Variants in EXOC4 observed in about 807,000 individuals in gnomAD.
EXOC4 encodes the protein SEC8-like 1.
In EXOC4, 71 loss-of-function variants were observed where a neutral mutation model predicts 107.2. The ratio of observed to expected loss-of-function variants is 0.66; its 90% confidence interval spans 0.55 to 0.81. The LOEUF (loss-of-function observed/expected upper bound fraction) is 0.81, where lower values mean the gene tolerates loss of function less well. Among genes scored for constraint, EXOC4 ranks in the 30% least tolerant of loss-of-function variants. The pLI is 0.00. For missense variants in EXOC4, 1,108 were observed against 1,189.6 expected, an observed-to-expected ratio of 0.93 and a Z score of 1.01; for synonymous variants, 456 against 441.2, an observed-to-expected ratio of 1.03 and a Z score of -0.42.
chr7:133,699,472 G>A (rs941669499), intron 10 of EXOC4, among the ~76,000 whole-genome samples: 1 of 152,180 alleles, frequency 6.6e-6, no homozygotes, highest in South Asian at 2.1e-4. Flanking sequence ...GTAAGAGTCT[G>A]TAAAGGCAAA....
At chr7:133,690,155 T>C (rs1336024373) in intron 10 of EXOC4, among the ~76,000 whole-genome samples, 2 of 152,212 alleles carry the variant, frequency 1.3e-5, no homozygotes, top group East Asian at 3.8e-4. Flanking sequence ...GCTTGGTACT[T>C]CAGCATGAGT....
At chr7:133,655,466 A>G (rs927603536) in intron 10 of EXOC4, among the ~76,000 whole-genome samples, 1 of 152,214 alleles carries the variant, frequency 6.6e-6, no homozygotes, top group African/African-American at 2.4e-5. Context: ...TCATAATGAC[A>G]TTTAGCTTAA....
At chr7:134,009,533 G>T (rs1794720409) in intron 17 of EXOC4, among the ~76,000 whole-genome samples, 1 of 152,132 alleles carries the variant, frequency 6.6e-6, no homozygotes, top group African/African-American at 2.4e-5. Context: ...GAGTGTGTGT[G>T]TTTTCATTAA....
chr7:134,075,669 G>C, the EXOC4 span, among the ~76,000 whole-genome samples: 1 of 152,310 alleles, frequency 6.6e-6, no homozygotes, highest in East Asian at 1.9e-4. Flanking sequence ...CTCAAGATGA[G>C]ATTTGGGTGG....
chr7:133,290,410 G>T (rs1482199387), intron 3 of EXOC4, among the ~76,000 whole-genome samples: 2 of 152,056 alleles, frequency 1.3e-5, no homozygotes, highest in African/African-American at 4.8e-5. Flanking sequence ...ATGACTATAG[G>T]GTGTCTGATA....
At chr7:134,023,999 A>G (rs1795081341) in intron 17 of EXOC4, among the ~76,000 whole-genome samples, 1 of 152,202 alleles carries the variant, frequency 6.6e-6, no homozygotes, top group African/African-American at 2.4e-5. Flanking sequence ...CTGGCATGGC[A>G]GCAGTGTTAG....
intron 10 of EXOC4, among the ~76,000 whole-genome samples, chr7:133,672,862 C>G (rs1339622421): frequency 6.6e-6 from 1 of 152,224 alleles, no homozygotes; most frequent in African/African-American, 2.4e-5. Flanking sequence ...ATCCCAGGCC[C>G]TAGCAAATAG....
At chr7:133,709,397 C>T (rs758113841) in intron 10 of EXOC4, among the ~76,000 whole-genome samples, 1 of 152,340 alleles carries the variant, frequency 6.6e-6, no homozygotes, top group African/African-American at 2.4e-5. Flanking sequence ...TCAGCAGTGG[C>T]TGTCACCAGG....
intron 7 of EXOC4, among the ~76,000 whole-genome samples, chr7:133,438,411 T>C (rs1361933621): frequency 1.3e-5 from 2 of 152,204 alleles, no homozygotes; most frequent in African/African-American, 4.8e-5. Flanking sequence ...TTGTCTCTTA[T>C]TTCTCTAATG....
At chr7:133,418,146 T>C (rs1279183699) in intron 7 of EXOC4, among the ~76,000 whole-genome samples, 1 of 152,220 alleles carries the variant, frequency 6.6e-6, no homozygotes, top group East Asian at 1.9e-4. Context: ...ACTATATGTA[T>C]TGATTCCTTT....
chr7:133,755,255 A>ATATATATATTATATATAT (rs552633693), intron 10 of EXOC4, among the ~76,000 whole-genome samples: 2 of 100,432 alleles, frequency 2.0e-5, no homozygotes, highest in African/African-American at 4.5e-5. Context: ...TATATATATT[A>ATATATATATTATATATAT]TATATATATT....
chr7:133,329,526 A>G (rs1269665298), intron 5 of EXOC4, among the ~76,000 whole-genome samples: 1 of 152,068 alleles, frequency 6.6e-6, no homozygotes, highest in Non-Finnish European at 1.5e-5. Flanking sequence ...ATTTTCAGCC[A>G]TTTTGCATTG....
At chr7:133,726,758 T>G (rs551634286) in intron 10 of EXOC4, among the ~76,000 whole-genome samples, 1 of 152,218 alleles carries the variant, frequency 6.6e-6, no homozygotes, top group Non-Finnish European at 1.5e-5. Context: ...CCTTAAACCC[T>G]TGTCATGGCT....
chr7:133,369,865 G>T (rs6968219), intron 6 of EXOC4, among the ~76,000 whole-genome samples: 3 of 87,538 alleles, frequency 3.4e-5, no homozygotes, highest in South Asian at 4.7e-4. Flanking sequence ...GGAGTGCAAT[G>T]GCGCAATTTG....
At position 133,699,314 on chromosome 7, in the gene EXOC4, A is replaced by G. The variant is rs561961708; in HGVS notation, c.1514+69173A>G. Among the ~76,000 whole-genome samples the G allele has an allele frequency of 2.6e-5, 4 of 152,186 alleles. No individual in the cohort carries two copies. In the East Asian group the frequency reaches 7.7e-4, roughly 29 times the overall value. ...TTTTTTCCCCCAGTCTGTACCTGCAATGGTTTTTTTAAGTGTATGTCTTAT... is the reference window on the plus strand; with the variant it reads ...TTTTTTCCCCCAGTCTGTACCTGCAGTGGTTTTTTTAAGTGTATGTCTTAT... On this transcript the variant is annotated intron_variant, in intron 10 of 17. Transcript: ENST00000253861.
intron 12 of EXOC4, among the ~76,000 whole-genome samples, chr7:133,901,988 A>G (rs1411836717): frequency 6.6e-6 from 1 of 152,232 alleles, no homozygotes; most frequent in Non-Finnish European, 1.5e-5. Context: ...AAGATAACCA[A>G]GAGCCAAATT....
intron 14 of EXOC4, among the ~76,000 whole-genome samples, chr7:133,972,532 A>T (rs1801266929): frequency 1.3e-5 from 2 of 152,238 alleles, no homozygotes; most frequent in South Asian, 4.1e-4. Context: ...AGGTATAATG[A>T]CATTATAACA....
chr7:133,954,935 C>T (rs1800779485), intron 14 of EXOC4, among the ~76,000 whole-genome samples: 1 of 152,252 alleles, frequency 6.6e-6, no homozygotes, highest in African/African-American at 2.4e-5. Context: ...CCACACCTGG[C>T]ACCAGGGAAC....
At chr7:133,631,782 ATTAGT>A (rs147977828) in intron 10 of EXOC4, among the ~76,000 whole-genome samples, 19,273 of 152,038 alleles carry the variant, frequency 0.13, 1,675 homozygotes, top group Non-Finnish European at 0.19. Flanking sequence ...GACTTTGGTA[ATTAGT>A]TTAGTTTTCA....
Sources: allele counts gnomAD v4.1 joint callset (sites outside exome capture counted in the v4.1 genomes callset), GRCh38; gene constraint gnomAD v4.1.1; transcripts MANE v1.5; gene names NCBI Gene and HGNC (gene_info 2026-07-23, HGNC 2026-07-21).